The following S100PBP variants were observed in gnomAD, a reference collection of about 807,000 sequenced individuals.
S100PBP encodes S100P-binding protein.
Under a neutral mutation model 39.9 loss-of-function variants are expected in S100PBP, and 15 were observed. The observed-to-expected ratio is 0.38, with a 90% CI of 0.25 to 0.58. S100PBP has a LOEUF of 0.58. Among genes scored for constraint, S100PBP ranks in the 20% least tolerant of loss-of-function variants. The pLI is 0.70. For missense variants in S100PBP, 504 were observed against 487.3 expected, an observed-to-expected ratio of 1.03 and a Z score of -0.32; for synonymous variants, 178 against 180.3, an observed-to-expected ratio of 0.99 and a Z score of 0.10.
intron 5 of S100PBP, among the ~76,000 whole-genome samples, chr1:32,840,747 T>C (rs923540369): frequency 6.6e-6 from 1 of 152,232 alleles, no homozygotes; most frequent in Non-Finnish European, 1.5e-5. Flanking sequence ...TGTAGTGATA[T>C]CTCATTGTAG....
intron 5 of S100PBP, among the ~76,000 whole-genome samples, chr1:32,842,067 T>C (rs1569910488): frequency 1.3e-5 from 2 of 150,702 alleles, no homozygotes; most frequent in East Asian, 3.9e-4. Flanking sequence ...CATACACCTG[T>C]AGTCCTTGCT....
chr1:32,843,899 C>T (rs779347661), intron 5 of S100PBP, among the ~76,000 whole-genome samples: 1 of 151,136 alleles, frequency 6.6e-6, no homozygotes, highest in Non-Finnish European at 1.5e-5. Context: ...AGATCTTTTC[C>T]CATCCCCTTG....
At chr1:32,835,242 CAT>C (rs1639766344) in intron 5 of S100PBP, 1 of 152,170 alleles carries the variant, frequency 6.6e-6, no homozygotes, top group Non-Finnish European at 1.5e-5. Context: ...ACTATAACCT[CAT>C]GGATTTTTTT....
intron 5 of S100PBP, among the ~76,000 whole-genome samples, chr1:32,830,772 A>ATGG (rs1176497867): frequency 6.6e-6 from 1 of 152,208 alleles, no homozygotes; most frequent in Non-Finnish European, 1.5e-5. Flanking sequence ...CAGGCTAGGC[A>ATGG]TGGTGGCTCA....
chr1:32,841,354 AGTTT>A (rs570231102), intron 5 of S100PBP, among the ~76,000 whole-genome samples: 218 of 152,056 alleles, frequency 1.4e-3, no homozygotes, highest in African/African-American at 4.0e-3. Flanking sequence ...TGATGAAGTA[AGTTT>A]GTTTATTTTT....
upstream of S100PBP, chr1:32,817,614 G>A (rs777157563): frequency 2.0e-5 from 7 of 353,354 alleles, no homozygotes; most frequent in South Asian, 4.0e-5. Context: ...GGGAGGTCGG[G>A]GAGGGGGCGA....
upstream of S100PBP, chr1:32,816,937 C>G: frequency 3.3e-6 from 2 of 599,392 alleles, no homozygotes; most frequent in Non-Finnish European, 3.0e-6. Context: ...AATGGGAGTC[C>G]TGGATTCAAA....
chr1:32,822,340 C>T (rs778174375), intron 1 of S100PBP, among the ~76,000 whole-genome samples: 5 of 151,842 alleles, frequency 3.3e-5, no homozygotes, highest in Admixed American at 6.6e-5. Context: ...TGGCCGGGCG[C>T]GGTGGCTCAC....
Position 32,828,096 on chromosome 1 carries a change from A to G in S100PBP, c.920+15A>G, listed in dbSNP as rs1294554879. On this transcript the variant is annotated intron_variant, in intron 4 of 6. Coordinates refer to ENST00000373475, the MANE Select transcript of S100PBP (RefSeq NM_022753.4). ...ACTAAGACCAGGTAATGTAAAGTAT[A>G]ATTAAATATTCTGATTTATTTTGGT... is the stretch of plus-strand genomic sequence containing the variant. 1.3e-6 allele frequency: 2 copies of G among 1,504,078 alleles called. No homozygotes were observed. Among genetic ancestry groups the G allele is most frequent in the Non-Finnish European group, 1.8e-6 (2 of 1,085,592 alleles). 93.2% of individuals were successfully genotyped at this position (1,504,078 alleles called of 1,614,324 possible). A position where few individuals can be genotyped will look rare whatever the true frequency, so the allele number is the denominator to read the frequency against.
At chr1:32,828,691 C>T (rs1282426747) in intron 4 of S100PBP, among the ~76,000 whole-genome samples, 1 of 152,118 alleles carries the variant, frequency 6.6e-6, no homozygotes, top group Non-Finnish European at 1.5e-5. Context: ...ACATTTATTA[C>T]ATTAATTTTG....
intron 5 of S100PBP, among the ~76,000 whole-genome samples, chr1:32,838,455 T>C (rs1318695903): frequency 2.0e-5 from 3 of 152,138 alleles, no homozygotes; most frequent in Admixed American, 6.5e-5. Flanking sequence ...TTACCAACAA[T>C]TGGGTATGGT....
At position 32,857,753 on chromosome 1, in the gene S100PBP, C is replaced by CT. The variant is rs1640878483; in HGVS notation, c.*1718dup. 6.6e-6 allele frequency: 1 copy of CT among 152,224 alleles called. No individual in the cohort carries two copies. Among genetic ancestry groups the CT allele is most frequent in the Non-Finnish European group, 1.5e-5 (1 of 68,038 alleles). 9.4% of individuals were successfully genotyped at this position (152,224 alleles called of 1,614,324 possible). The stretch of plus-strand genomic sequence containing the variant: ...AGTTTTGTGATTTCATCAATCCCAT[C>CT]TTTCTGTGTGAGTAATGCATTCTAA... On this transcript the variant is annotated 3_prime_UTR_variant, in exon 7 of 7. Coordinates refer to ENST00000373475, the MANE Select transcript of S100PBP (RefSeq NM_022753.4).
At chr1:32,855,737 C>T (rs1439107088) in intron 6 of S100PBP, among the ~76,000 whole-genome samples, 187 bp from the exon 7 acceptor site, 3 of 151,814 alleles carry the variant, frequency 2.0e-5, no homozygotes, top group Admixed American at 6.6e-5. Context: ...ATAGCACTTA[C>T]GGTGTGGTGT....
chr1:32,817,683 T>G lies in S100PBP; in HGVS notation c.-126T>G. Reference sequence around the variant, plus strand: ...CGTTCGCCCAGGCTTTGGCCCGGCTTCCGGAGGTGAAGAGCGGGAGGGACG... The same window carrying G: ...CGTTCGCCCAGGCTTTGGCCCGGCTGCCGGAGGTGAAGAGCGGGAGGGACG... On this transcript the variant is annotated 5_prime_UTR_variant, in exon 1 of 7. Coordinates refer to ENST00000373475, the MANE Select transcript of S100PBP (RefSeq NM_022753.4). 1 of 223,214 alleles carries G rather than the reference T, an allele frequency of 4.5e-6. No individual in the cohort carries two copies. Among genetic ancestry groups the G allele is most frequent in the South Asian group, 6.2e-5 (1 of 16,188 alleles). The allele number at this position is 223,214 out of a possible 1,614,324, so 13.8% of individuals were successfully genotyped here.
chr1:32,821,640 CTT>C (rs113824192), intron 1 of S100PBP, among the ~76,000 whole-genome samples: 21 of 132,592 alleles, frequency 1.6e-4, no homozygotes, highest in South Asian at 2.4e-4. Flanking sequence ...TTCTTTCTTT[CTT>C]TTTTTTTTTT....
intron 5 of S100PBP, among the ~76,000 whole-genome samples, chr1:32,843,804 G>A (rs1640227715): frequency 6.6e-6 from 1 of 151,904 alleles, no homozygotes; most frequent in Non-Finnish European, 1.5e-5. Context: ...TAGCCAGGAT[G>A]GTCTCGATCT....
upstream of S100PBP, chr1:32,817,008 A>G (rs572241189): frequency 1.9e-5 from 14 of 753,254 alleles, no homozygotes; most frequent in Non-Finnish European, 2.5e-5. Context: ...TTTCTGGGGA[A>G]CCCAGGGAAG....
At chr1:32,842,236 T>TATATATAGAC (rs372174677) in intron 5 of S100PBP, among the ~76,000 whole-genome samples, 1 of 80,854 alleles carries the variant, frequency 1.2e-5, no homozygotes, top group African/African-American at 4.7e-5. Context: ...TATATATATA[T>TATATATAGAC]ACACACACAC....
At chr1:32,837,190 A>G (rs1639867488) in intron 5 of S100PBP, 1 of 149,622 alleles carries the variant, frequency 6.7e-6, no homozygotes, top group Admixed American at 6.7e-5. Context: ...AAATTTGAAG[A>G]CATTCAGTAT....
Sources: gnomAD v4.1 joint callset for allele counts (sites outside exome capture counted in the v4.1 genomes callset) on GRCh38, gnomAD v4.1.1 for gene constraint, MANE v1.5 for transcripts, NCBI Gene and HGNC (gene_info 2026-07-23, HGNC 2026-07-21) for gene names.